The following RSRC1 variants were observed in gnomAD, a reference collection of about 807,000 sequenced individuals.
RSRC1 encodes serine/Arginine-related protein 53.
Under a neutral mutation model 49.1 loss-of-function variants are expected in RSRC1, and 39 were observed. That is an observed-to-expected ratio of 0.79 (90% CI 0.61 to 1.04). RSRC1 has a LOEUF of 1.04. Among genes scored for constraint, RSRC1 ranks in the 50% least tolerant of loss-of-function variants. RSRC1 has a pLI of 0.00. For synonymous variants in RSRC1, 143 were observed against 130.8 expected, an observed-to-expected ratio of 1.09 and a Z score of -0.63; for missense variants, 388 against 402.4, an observed-to-expected ratio of 0.96 and a Z score of 0.31.
At chr3:158,473,330 G>A (rs945358121) in intron 7 of RSRC1, among the ~76,000 whole-genome samples, 11 of 152,146 alleles carry the variant, frequency 7.2e-5, no homozygotes, top group Non-Finnish European at 1.3e-4. Context: ...ATACTATGCA[G>A]CCATAAAAAA....
At chr3:158,180,177 CAG>C (rs1322120826) in intron 3 of RSRC1, among the ~76,000 whole-genome samples, 8 of 151,944 alleles carry the variant, frequency 5.3e-5, no homozygotes. Flanking sequence ...ATCCTCTTCA[CAG>C]AGTCTTACAG....
At chr3:158,432,501 T>G (rs1735819454) in intron 6 of RSRC1, among the ~76,000 whole-genome samples, 1 of 151,862 alleles carries the variant, frequency 6.6e-6, no homozygotes, top group South Asian at 2.1e-4. Context: ...GTACTATTTT[T>G]TTTCCTCAAA....
chr3:158,434,544 C>T (rs1454943753), intron 6 of RSRC1, among the ~76,000 whole-genome samples: 1 of 151,928 alleles, frequency 6.6e-6, no homozygotes, highest in Non-Finnish European at 1.5e-5. Context: ...TGTCCTCTGT[C>T]ATTCCATTTG....
intron 6 of RSRC1, among the ~76,000 whole-genome samples, chr3:158,408,474 T>C (rs1360809061): frequency 6.6e-6 from 1 of 152,138 alleles, no homozygotes; most frequent in African/African-American, 2.4e-5. Flanking sequence ...TATGAACTTA[T>C]TACTAAAACC....
chr3:158,155,554 C>T (rs1717814301), intron 3 of RSRC1, among the ~76,000 whole-genome samples: 1 of 151,640 alleles, frequency 6.6e-6, no homozygotes, highest in Non-Finnish European at 1.5e-5. Flanking sequence ...ACCTCACCCT[C>T]TCAAGTAGGT....
At chr3:158,311,780 TA>T (rs1728144475) in intron 5 of RSRC1, among the ~76,000 whole-genome samples, 1 of 152,134 alleles carries the variant, frequency 6.6e-6, no homozygotes, top group African/African-American at 2.4e-5. Context: ...TTATGGCAAT[TA>T]TTTCACAGTG....
chr3:158,165,831 C>T (rs558004357), intron 3 of RSRC1, among the ~76,000 whole-genome samples: 2 of 152,286 alleles, frequency 1.3e-5, no homozygotes, highest in South Asian at 2.1e-4. Flanking sequence ...CATATGTTTC[C>T]ATATACTACC....
At chr3:158,269,961 A>G (rs913726568) in intron 4 of RSRC1, among the ~76,000 whole-genome samples, 2 of 152,224 alleles carry the variant, frequency 1.3e-5, no homozygotes, top group African/African-American at 4.8e-5. Context: ...TTGAAAGCAA[A>G]TATTTACTAT....
rs115845042 is a variant in RSRC1 at position 158,491,119 on chromosome 3, A to T, written c.652+30116A>T. The stretch of plus-strand genomic sequence containing the variant: ...ATTAACTGAAACTGATAATTTTATC[A>T]TAGTTTTCCCAGTTAATGTGGCTTA... On this transcript the variant is annotated intron_variant, in intron 7 of 9. Coordinates refer to ENST00000611884, the MANE Select transcript of RSRC1 (RefSeq NM_001271838.2). 3.2e-3 allele frequency among the ~76,000 whole-genome samples: 490 copies of T among 152,338 alleles called. 3 individuals carry two copies. Among genetic ancestry groups the T allele is most frequent in the African/African-American group, 0.011 (473 of 41,570 alleles).
rs77010290 is a variant in RSRC1, at chr3:158,431,200, C to A, written c.584-29735C>A. On this transcript the variant is annotated intron_variant, in intron 6 of 9. Coordinates refer to ENST00000611884, the MANE Select transcript of RSRC1 (RefSeq NM_001271838.2). The stretch of plus-strand genomic sequence containing the variant: ...TAGAACACTGTGGTTTTGATAATAG[C>A]ATTTAAAATCTTGATGTCATCAGCT... Among the ~76,000 whole-genome samples, 912 of 151,924 alleles carry A rather than the reference C, an allele frequency of 6.0e-3. 3 individuals carry two copies. Among genetic ancestry groups the A allele is most frequent in the African/African-American group, 0.021 (857 of 41,498 alleles).
rs751816535 is a variant in RSRC1 at position 158,543,463 on chromosome 3, T to C, written c.888T>C (p.Asp296=). 7 of 1,609,694 alleles carry C rather than the reference T, an allele frequency of 4.3e-6. No individual in the cohort carries two copies. The highest frequency in any genetic ancestry group is 5.9e-6 in the Non-Finnish European group (7 of 1,178,010). The change falls in exon 9 of 10, where the codon GAT becomes GAC. Residue 296 remains aspartate (D), a synonymous_variant. Transcript: ENST00000611884. ...TSIPTAIKYQ[D]DNSLAHPNLF... ...TCCCTACTGCTATCAAGTACCAAGATGACAATTCCCTGGCCCATCCAAATG... is the reference window on the plus strand; with the variant it reads ...TCCCTACTGCTATCAAGTACCAAGACGACAATTCCCTGGCCCATCCAAATG...
At chr3:158,218,668 C>T (rs960438691) in intron 4 of RSRC1, among the ~76,000 whole-genome samples, 8 of 151,466 alleles carry the variant, frequency 5.3e-5, no homozygotes, top group Non-Finnish European at 1.0e-4. Flanking sequence ...TTTTCAATTC[C>T]GTTTTATTCT....
chr3:158,543,681 A>C, intron 9 of RSRC1, 194 bp downstream of exon 9: 2 of 479,192 alleles, frequency 4.2e-6, no homozygotes, highest in East Asian at 3.5e-5. Context: ...GGTCCAACTC[A>C]TGTTGCCTAA....
chr3:158,179,369 C>T (rs1376054933), intron 3 of RSRC1, among the ~76,000 whole-genome samples: 1 of 152,064 alleles, frequency 6.6e-6, no homozygotes, highest in African/African-American at 2.4e-5. Context: ...CTCATAGTGC[C>T]CTCTTTTGGC....
chr3:158,213,985 A>G (rs539725734), intron 4 of RSRC1, among the ~76,000 whole-genome samples: 9 of 151,922 alleles, frequency 5.9e-5, no homozygotes, highest in Non-Finnish European at 8.8e-5. Flanking sequence ...CATGGATTCA[A>G]CCAACCACAG....
intron 6 of RSRC1, among the ~76,000 whole-genome samples, chr3:158,402,558 T>G (rs1733945939): frequency 6.6e-6 from 1 of 151,802 alleles, no homozygotes; most frequent in South Asian, 2.1e-4. Flanking sequence ...TAGTAGAATA[T>G]TTTCTATGTA....
chr3:158,528,135 T>C (rs960770912), intron 7 of RSRC1, among the ~76,000 whole-genome samples: 1 of 151,904 alleles, frequency 6.6e-6, no homozygotes, highest in African/African-American at 2.4e-5. Flanking sequence ...ATATAAAAGA[T>C]AGAAGAACCT....
chr3:158,322,720 C>G (rs1728833650), intron 5 of RSRC1, among the ~76,000 whole-genome samples: 1 of 152,174 alleles, frequency 6.6e-6, no homozygotes. Context: ...TTTTCTCCTT[C>G]TAGGACTTCA....
chr3:158,347,315 A>G (rs1730608285), intron 5 of RSRC1, among the ~76,000 whole-genome samples: 1 of 152,176 alleles, frequency 6.6e-6, no homozygotes, highest in Non-Finnish European at 1.5e-5. Context: ...ATTTCGGTTG[A>G]TTGAATGTAG....
Sources: allele counts gnomAD v4.1 joint callset (sites outside exome capture counted in the v4.1 genomes callset), GRCh38; gene constraint gnomAD v4.1.1; transcripts MANE v1.5; gene names NCBI Gene and HGNC (gene_info 2026-07-23, HGNC 2026-07-21).